The following FERMT1 variants were observed in gnomAD, a reference collection of about 807,000 sequenced individuals.
FERMT1 encodes the protein fermitin family homolog 1.
FERMT1 carries 60 observed loss-of-function variants against 85.3 expected under a neutral mutation model. The observed-to-expected ratio is 0.70, with a 90% CI of 0.57 to 0.87. The LOEUF (loss-of-function observed/expected upper bound fraction) is 0.87. Among genes scored for constraint, FERMT1 ranks in the 40% least tolerant of loss-of-function variants. FERMT1 has a pLI of 0.00. For synonymous variants in FERMT1, 275 were observed against 301.1 expected (o/e 0.91, Z 0.90); for missense variants, 701 against 818.9 (o/e 0.86, Z 1.76).
At chr20:6,116,446 G>A (rs2123151756) in intron 2 of FERMT1, among the ~76,000 whole-genome samples, 1 of 152,040 alleles carries the variant, frequency 6.6e-6, no homozygotes, top group Admixed American at 6.6e-5. Flanking sequence ...AAAAATAATA[G>A]GGTCGGGTGC....
intron 4 of FERMT1, among the ~76,000 whole-genome samples, chr20:6,111,456 A>T (rs929746681): frequency 6.6e-6 from 1 of 152,004 alleles, no homozygotes. Context: ...ACATGGCAAA[A>T]CCCTGTCTCT....
At chr20:6,106,309 A>C (rs1322953557) in intron 6 of FERMT1, among the ~76,000 whole-genome samples, 2 of 152,140 alleles carry the variant, frequency 1.3e-5, no homozygotes, top group Non-Finnish European at 2.9e-5. Context: ...TGAAGATGGC[A>C]GTTGGGGAAA....
chr20:6,080,615 G>A (rs1981967564), intron 13 of FERMT1, among the ~76,000 whole-genome samples: 1 of 152,218 alleles, frequency 6.6e-6, no homozygotes, highest in South Asian at 2.1e-4. Flanking sequence ...GGCGGAAGAA[G>A]TGGTCGGATT....
rs774933137 is a variant in FERMT1 at position 6,107,562 on chromosome 20, T to C, written c.819A>G (p.Lys273=). 73 of 1,612,418 alleles carry C rather than the reference T, an allele frequency of 4.5e-5. 2 individuals are homozygous for C. The South Asian group carries it at 7.5e-4, about 17-fold the overall frequency. ...GATTCAAGTCGAAGAAAGAATAATA[T>C]TTAAATCGTAAGAGCAGCTGCTCAT... The part of the protein sequence containing the change: ...QEDEQLLLRF[K]YYSFFDLNPK... The change falls in exon 6 of 15, where the codon AAA becomes AAG. Residue 273 remains lysine (K), a synonymous_variant. Coordinates refer to ENST00000217289, the MANE Select transcript of FERMT1 (RefSeq NM_017671.5).
chr20:6,114,109 A>G (rs1212516193), intron 3 of FERMT1, among the ~76,000 whole-genome samples: 1 of 152,170 alleles, frequency 6.6e-6, no homozygotes, highest in African/African-American at 2.4e-5. Flanking sequence ...CTCAGTGTTG[A>G]GACTGAGCCT....
In FERMT1 at chr20:6,090,939, T is replaced by G. The variant is rs539140958; in HGVS notation, c.1140-1850A>C. 1.9e-4 allele frequency among the ~76,000 whole-genome samples: 29 copies of G among 151,954 alleles called. No homozygotes were observed. In the East Asian group the frequency reaches 5.3e-3, roughly 28 times the overall value. Reference sequence around the variant, plus strand: ...AGCACTTTGGGAGGCCGAGGCAGGCTGATCACTTGAGCTCAGGAGTTTGAG... The same window carrying G: ...AGCACTTTGGGAGGCCGAGGCAGGCGGATCACTTGAGCTCAGGAGTTTGAG... On this transcript the variant is annotated intron_variant, in intron 9 of 14. Coordinates refer to ENST00000217289, the MANE Select transcript of FERMT1 (RefSeq NM_017671.5).
rs934523534 is a variant in FERMT1 at position 6,096,246 on chromosome 20, C to T, written c.1089+656G>A. 3.7e-4 allele frequency among the ~76,000 whole-genome samples: 56 copies of T among 152,142 alleles called. 1 individual carries two copies. Among genetic ancestry groups the T allele is most frequent in the Admixed American group, 2.0e-4 (3 of 15,272 alleles). ...TTTTATCGGTAAAGAATTTTCTTGGCCGGTCACAGTGGCTCATGCCTGTAA... is the reference window on the plus strand; with the variant it reads ...TTTTATCGGTAAAGAATTTTCTTGGTCGGTCACAGTGGCTCATGCCTGTAA... On this transcript the variant is annotated intron_variant, in intron 8 of 14. Transcript: ENST00000217289.
At chr20:6,084,215 G>A (rs1332335753) in intron 12 of FERMT1, 51 bp from the exon 13 acceptor site, 1 of 1,573,396 alleles carries the variant, frequency 6.4e-7, no homozygotes, top group East Asian at 2.3e-5. Context: ...GCTGCTCTGT[G>A]ATCACCCTGT....
At chr20:6,093,299 T>G (rs1446945396) in intron 9 of FERMT1, among the ~76,000 whole-genome samples, 4 of 152,174 alleles carry the variant, frequency 2.6e-5, no homozygotes, top group Non-Finnish European at 5.9e-5. Flanking sequence ...AACTATATTA[T>G]ATATTCAATG....
rs189213689 is a variant in FERMT1 at position 6,119,991 on chromosome 20, C to T, written c.-18-419G>A. 9.5e-4 allele frequency among the ~76,000 whole-genome samples: 145 copies of T among 152,108 alleles called. 1 individual carries two copies. The highest frequency in any genetic ancestry group is 3.2e-3 in the African/African-American group (132 of 41,506). Reference sequence around the variant, plus strand: ...GGTATAATTTGCATGTAATAAAATGCGCAGATTTTATATACTATAGTTCAA... The same window carrying T: ...GGTATAATTTGCATGTAATAAAATGTGCAGATTTTATATACTATAGTTCAA... On this transcript the variant is annotated intron_variant, in intron 1 of 14. Coordinates refer to ENST00000217289, the MANE Select transcript of FERMT1 (RefSeq NM_017671.5).
At position 6,076,523 on chromosome 20, in the gene FERMT1, A is replaced by ATG. The variant is rs1048148033; in HGVS notation, c.*648_*649dup. 2.0e-6 allele frequency: 1 copy of ATG among 503,592 alleles called. No individual in the cohort carries two copies. Among genetic ancestry groups the ATG allele is most frequent in the Admixed American group, 2.0e-5 (1 of 49,188 alleles). The allele number at this position is 503,592 out of a possible 1,614,324, so 31.2% of individuals were successfully genotyped here. A position where few individuals can be genotyped will look rare whatever the true frequency, so the allele number is the denominator to read the frequency against. ...TGAGGAGACCAATGACTAAGACCAG[A>ATG]TGTGGGTCAGTGGTCATCTTGGCAG... On this transcript the variant is annotated 3_prime_UTR_variant, in exon 15 of 15. Transcript: ENST00000217289.
intron 9 of FERMT1, among the ~76,000 whole-genome samples, chr20:6,090,743 A>T (rs1225712873): frequency 1.3e-5 from 2 of 152,100 alleles, no homozygotes; most frequent in African/African-American, 4.8e-5. Flanking sequence ...AATAAATAAA[A>T]TTTAAAAACC....
chr20:6,115,356 GT>G (rs1273005845), intron 3 of FERMT1, among the ~76,000 whole-genome samples: 1 of 152,156 alleles, frequency 6.6e-6, no homozygotes, highest in African/African-American at 2.4e-5. Flanking sequence ...CACTTCATAA[GT>G]GATTTTTATG....
intron 3 of FERMT1, among the ~76,000 whole-genome samples, chr20:6,113,937 A>T (rs1386461580): frequency 1.3e-5 from 2 of 152,178 alleles, no homozygotes; most frequent in Non-Finnish European, 2.9e-5. Flanking sequence ...AATCAAATAT[A>T]TTTATAATTG....
At chr20:6,098,465 A>G (rs1185392103) in intron 6 of FERMT1, among the ~76,000 whole-genome samples, 1 of 152,122 alleles carries the variant, frequency 6.6e-6, no homozygotes, top group Non-Finnish European at 1.5e-5. Flanking sequence ...AACCTATTAT[A>G]AAGTTGCAGT....
At chr20:6,113,868 C>T (rs914354639) in intron 3 of FERMT1, among the ~76,000 whole-genome samples, 1 of 152,132 alleles carries the variant, frequency 6.6e-6, no homozygotes, top group Non-Finnish European at 1.5e-5. Flanking sequence ...GTACTTGAAT[C>T]CTTATCTCAG....
chr20:6,092,754 C>T (rs978647340), intron 9 of FERMT1, among the ~76,000 whole-genome samples: 1 of 152,162 alleles, frequency 6.6e-6, no homozygotes, highest in Non-Finnish European at 1.5e-5. Flanking sequence ...TTCTCACTTC[C>T]TGCTTCACAC....
intron 12 of FERMT1, 105 bp from the exon 13 acceptor site, chr20:6,084,269 T>A (rs1413343152): frequency 8.0e-7 from 1 of 1,250,770 alleles, no homozygotes; most frequent in African/African-American, 1.5e-5. Flanking sequence ...AAGGTCCGTC[T>A]GCAGCTCTAC....
intron 2 of FERMT1, among the ~76,000 whole-genome samples, chr20:6,118,398 G>A (rs900985420): frequency 2.6e-5 from 4 of 152,242 alleles, no homozygotes; most frequent in South Asian, 2.1e-4. Context: ...GGGAGGGGTC[G>A]GGGTATGGGG....
Sources: allele counts gnomAD v4.1 joint callset (sites outside exome capture counted in the v4.1 genomes callset), GRCh38; gene constraint gnomAD v4.1.1; transcripts MANE v1.5; gene names NCBI Gene and HGNC (gene_info 2026-07-23, HGNC 2026-07-21).